ZC3H12B: variants seen among roughly 807,000 people sequenced by gnomAD.
ZC3H12B encodes the protein probable ribonuclease ZC3H12B.
In ZC3H12B, 7 loss-of-function variants were observed where a neutral mutation model predicts 43.9. The observed-to-expected ratio is 0.16, with a 90% CI of 0.09 to 0.30. ZC3H12B has a LOEUF of 0.30. ZC3H12B is among the 10% of genes least tolerant of loss of function. ZC3H12B has a pLI of 1.00. For synonymous variants in ZC3H12B, 222 were observed against 241.7 expected, an observed-to-expected ratio of 0.92 and a Z score of 0.76; for missense variants, 475 against 670.2, an observed-to-expected ratio of 0.71 and a Z score of 3.22.
rs2066208079 is a variant in ZC3H12B at position 65,368,833 on chromosome X, T to C, written n.130T>C. 1 of 112,415 alleles carries C rather than the reference T, an allele frequency of 8.9e-6. No individual in the cohort carries two copies. Among genetic ancestry groups the C allele is most frequent in the Admixed American group, 9.5e-5 (1 of 10,558 alleles). The allele number at this position is 112,415 out of a possible 1,213,427, so 9.3% of individuals were successfully genotyped here. On this transcript the variant is annotated non_coding_transcript_exon_variant, in exon 2 of 6. It removes an upstream start codon present in the reference 5' UTR. Transcript: ENST00000617377. ...ATTGAATCTATTTTACCCAAGGCTA[T>C]GGACTCCTTTTGGCATTTCTGCCTC...
chrX:65,344,882 A>T, the ZC3H12B span, among the ~76,000 whole-genome samples: 1 of 112,417 alleles, frequency 8.9e-6, no homozygotes, highest in African/African-American at 3.2e-5. Context: ...AACCTCATTA[A>T]AAGTGGACAA....
chrX:65,212,049 A>G, the ZC3H12B span, among the ~76,000 whole-genome samples: 1 of 64,514 alleles, frequency 1.6e-5, no homozygotes, highest in Non-Finnish European at 2.5e-5. Flanking sequence ...TGTATAATAT[A>G]TAATATATAT....
At chrX:65,258,591 T>G in the ZC3H12B span, among the ~76,000 whole-genome samples, 1 of 111,387 alleles carries the variant, frequency 9.0e-6, no homozygotes, top group Non-Finnish European at 1.9e-5. Flanking sequence ...GAGAAAGAAA[T>G]AAAGGCTCTT....
the ZC3H12B span, among the ~76,000 whole-genome samples, chrX:65,148,276 G>T: frequency 9.0e-6 from 1 of 111,516 alleles, no homozygotes; most frequent in Admixed American, 9.5e-5. Context: ...CCTGGAGCCT[G>T]GGACTGTGAG....
At chrX:65,073,800 C>T in the ZC3H12B span, among the ~76,000 whole-genome samples, 1 of 111,917 alleles carries the variant, frequency 8.9e-6, no homozygotes, top group Non-Finnish European at 1.9e-5. Flanking sequence ...CAGTTCAACT[C>T]ACCCATTCTC....
At chrX:65,334,556 AT>A in the ZC3H12B span, among the ~76,000 whole-genome samples, 2 of 112,402 alleles carry the variant, frequency 1.8e-5, no homozygotes, top group Non-Finnish European at 3.8e-5. Context: ...TCTGAAAAAA[AT>A]ATTTTTAAGC....
chrX:65,064,619 G>A, the ZC3H12B span, among the ~76,000 whole-genome samples: 1 of 111,697 alleles, frequency 9.0e-6, no homozygotes, highest in Non-Finnish European at 1.9e-5. Context: ...TGTATATTCT[G>A]TTGAACTGGG....
chrX:65,474,826 C>A (rs899788828), intron 3 of ZC3H12B, among the ~76,000 whole-genome samples: 1 of 111,887 alleles, frequency 8.9e-6, no homozygotes, highest in Non-Finnish European at 1.9e-5. Context: ...AGTCTGGTCT[C>A]GAACTTCTGA....
At chrX:65,148,686 T>C in the ZC3H12B span, among the ~76,000 whole-genome samples, 1 of 111,651 alleles carries the variant, frequency 9.0e-6, no homozygotes, top group African/African-American at 3.3e-5. Context: ...TGCCTGGGGT[T>C]TGGGGAGGGA....
the ZC3H12B span, among the ~76,000 whole-genome samples, chrX:65,332,309 A>T: frequency 9.0e-6 from 1 of 111,131 alleles, no homozygotes; most frequent in African/African-American, 3.3e-5. Flanking sequence ...GTCAGAAAGC[A>T]TCGGTATGTC....
the ZC3H12B span, among the ~76,000 whole-genome samples, chrX:65,102,466 G>A: frequency 1.2e-3 from 134 of 112,204 alleles, no homozygotes; most frequent in African/African-American, 4.1e-3. Flanking sequence ...CAGATGACAT[G>A]ATTGTATATT....
chrX:65,372,785 C>T (rs911923062), intron 2 of ZC3H12B, among the ~76,000 whole-genome samples: 5 of 112,183 alleles, frequency 4.5e-5, no homozygotes, highest in Non-Finnish European at 7.5e-5. Flanking sequence ...TATAAAATCA[C>T]ACAAGTATGC....
chrX:65,043,091 G>A, the ZC3H12B span, among the ~76,000 whole-genome samples: 1 of 111,243 alleles, frequency 9.0e-6, no homozygotes, highest in Non-Finnish European at 1.9e-5. Flanking sequence ...TGGGCTATAT[G>A]TCCAGCCAGG....
chrX:65,196,390 G>A, the ZC3H12B span, among the ~76,000 whole-genome samples: 5 of 111,427 alleles, frequency 4.5e-5, no homozygotes, highest in African/African-American at 1.6e-4. Flanking sequence ...GTGCCCACTC[G>A]AGGTTACCAA....
At chrX:65,328,552 A>G in the ZC3H12B span, 1 of 180,575 alleles carries the variant, frequency 5.5e-6, no homozygotes, top group Admixed American at 7.5e-5. Context: ...CATTGTCTTT[A>G]TTTGTCTTTT....
At chrX:65,439,069 C>T (rs1013969023) in intron 3 of ZC3H12B, among the ~76,000 whole-genome samples, 1 of 112,629 alleles carries the variant, frequency 8.9e-6, no homozygotes, top group Non-Finnish European at 1.9e-5. Flanking sequence ...ATTAAAAGCA[C>T]AGTCATTGAA....
At chrX:65,205,123 G>C in the ZC3H12B span, among the ~76,000 whole-genome samples, 2 of 111,994 alleles carry the variant, frequency 1.8e-5, no homozygotes, top group African/African-American at 6.5e-5. Flanking sequence ...TTTCAGTTTT[G>C]ATGAGTACTT....
At chrX:65,336,693 G>A in the ZC3H12B span, among the ~76,000 whole-genome samples, 1 of 112,139 alleles carries the variant, frequency 8.9e-6, no homozygotes, top group African/African-American at 3.2e-5. Context: ...GACAGAGTGG[G>A]AAAGGCAAGG....
the ZC3H12B span, among the ~76,000 whole-genome samples, chrX:65,295,386 C>T: frequency 9.0e-6 from 1 of 111,116 alleles, no homozygotes; most frequent in Non-Finnish European, 1.9e-5. Flanking sequence ...CTTATCAAAA[C>T]CTCTGGAATA....
Sources: allele counts gnomAD v4.1 joint callset (sites outside exome capture counted in the v4.1 genomes callset), GRCh38; gene constraint gnomAD v4.1.1; transcripts MANE v1.5; gene names NCBI Gene and HGNC (gene_info 2026-07-23, HGNC 2026-07-21).